GARIN1A: variants seen among roughly 807,000 people sequenced by gnomAD.
GARIN1A encodes the protein Golgi-associated RAB2 interactor protein 1A.
chr7:128,675,879 C>A, the GARIN1A span: 3 of 1,091,566 alleles, frequency 2.7e-6, no homozygotes, highest in Non-Finnish European at 4.1e-6. Flanking sequence ...TGAGGGAGGG[C>A]GGGAAGGGAT....
chr7:128,677,574 C>A, the GARIN1A span: 1 of 1,607,192 alleles, frequency 6.2e-7, no homozygotes, highest in Non-Finnish European at 8.5e-7. Flanking sequence ...GCTTCTCCCC[C>A]TGAAGTACGT....
chr7:128,685,734 A>C, the GARIN1A span: 1 of 152,196 alleles, frequency 6.6e-6, no homozygotes, highest in Non-Finnish European at 1.5e-5. Context: ...TTCCAAATGC[A>C]TGCCTGTTGT....
the GARIN1A span, chr7:128,685,827 A>T: frequency 6.6e-6 from 1 of 152,158 alleles, no homozygotes; most frequent in Admixed American, 6.5e-5. Flanking sequence ...CATCCTATCT[A>T]TATGGCATAC....
the GARIN1A span, among the ~76,000 whole-genome samples, chr7:128,708,061 A>G: frequency 0.42 from 64,010 of 151,148 alleles, 14,080 homozygotes; most frequent in East Asian, 0.64. Context: ...TGGCCTAGGC[A>G]AGAGTGCAAT....
the GARIN1A span, among the ~76,000 whole-genome samples, chr7:128,694,294 G>C: frequency 2.6e-5 from 4 of 152,190 alleles, no homozygotes. Flanking sequence ...CACTTTGGGA[G>C]GCTGAGGCGG....
chr7:128,683,666 C>T, the GARIN1A span: 1 of 152,176 alleles, frequency 6.6e-6, no homozygotes, highest in Admixed American at 6.6e-5. Context: ...TGGGGTTTCA[C>T]CACGTTGCCC....
the GARIN1A span, chr7:128,677,775 C>G: frequency 1.2e-6 from 2 of 1,613,718 alleles, no homozygotes; most frequent in African/African-American, 1.3e-5. Context: ...CACTCACTGC[C>G]TGGTGCCCAA....
chr7:128,705,565 CT>C, the GARIN1A span, among the ~76,000 whole-genome samples: 1 of 151,640 alleles, frequency 6.6e-6, no homozygotes, highest in Admixed American at 6.6e-5. Flanking sequence ...CTTCATCAAA[CT>C]TCCTCTACTC....
the GARIN1A span, among the ~76,000 whole-genome samples, chr7:128,708,092 A>T: frequency 1.3e-5 from 2 of 151,502 alleles, no homozygotes; most frequent in African/African-American, 4.8e-5. Context: ...GGCTCACTGC[A>T]GCCTTGCTTT....
At chr7:128,704,389 C>T in the GARIN1A span, among the ~76,000 whole-genome samples, 20 of 151,940 alleles carry the variant, frequency 1.3e-4, no homozygotes, top group Admixed American at 2.6e-4. Flanking sequence ...ACTGCAACCT[C>T]CATCTCCCAG....
the GARIN1A span, chr7:128,684,471 C>T: frequency 2.6e-5 from 4 of 152,172 alleles, no homozygotes; most frequent in African/African-American, 9.7e-5. Context: ...CAAAAATTAG[C>T]TGGATGTGGT....
chr7:128,681,881 A>ACCCCCCCCCCCCC, the GARIN1A span, among the ~76,000 whole-genome samples: 1 of 127,142 alleles, frequency 7.9e-6, no homozygotes, highest in Admixed American at 8.0e-5. Flanking sequence ...GCCACACTGC[A>ACCCCCCCCCCCCC]CCCCCCCCCA....
chr7:128,678,976 A>T, the GARIN1A span, among the ~76,000 whole-genome samples: 1 of 117,602 alleles, frequency 8.5e-6, no homozygotes, highest in African/African-American at 3.5e-5. Context: ...ACATATATAC[A>T]TATGTAACGA....
At chr7:128,676,572 A>G in the GARIN1A span, among the ~76,000 whole-genome samples, 9 of 152,088 alleles carry the variant, frequency 5.9e-5, no homozygotes, top group Admixed American at 3.3e-4. Flanking sequence ...ACAAGTCCCT[A>G]ATATTAGACA....
chr7:128,672,420 C>T, the GARIN1A span: 2 of 1,608,818 alleles, frequency 1.2e-6, no homozygotes, highest in Non-Finnish European at 8.5e-7. Context: ...AGGGGCCTCC[C>T]ACCTGAGGTC....
chr7:128,682,553 G>A, the GARIN1A span, among the ~76,000 whole-genome samples: 29 of 152,072 alleles, frequency 1.9e-4, no homozygotes, highest in Non-Finnish European at 2.6e-4. Context: ...CTGGAAAAAG[G>A]CATGATTAGA....
chr7:128,702,185 T>C, the GARIN1A span, among the ~76,000 whole-genome samples: 1 of 151,972 alleles, frequency 6.6e-6, no homozygotes, highest in East Asian at 1.9e-4. Flanking sequence ...GCAGAAGGAA[T>C]GTGATAGCAG....
At chr7:128,693,044 T>A in the GARIN1A span, among the ~76,000 whole-genome samples, 1 of 152,244 alleles carries the variant, frequency 6.6e-6, no homozygotes, top group Non-Finnish European at 1.5e-5. Flanking sequence ...CTACAGATAG[T>A]CTAAGAGAAG....
the GARIN1A span, among the ~76,000 whole-genome samples, chr7:128,674,394 G>A: frequency 6.6e-6 from 1 of 152,138 alleles, no homozygotes; most frequent in African/African-American, 2.4e-5. Context: ...CAAAGTGCTG[G>A]GATTATAGGC....
Sources: gnomAD v4.1 joint callset for allele counts (sites outside exome capture counted in the v4.1 genomes callset) on GRCh38, gnomAD v4.1.1 for gene constraint, MANE v1.5 for transcripts, NCBI Gene and HGNC (gene_info 2026-07-23, HGNC 2026-07-21) for gene names.